The following TRPM4 variants were observed in gnomAD, a reference collection of about 807,000 sequenced individuals.
TRPM4 encodes the protein calcium-activated non-selective cation channel 1.
In TRPM4, 124 loss-of-function variants were observed where a neutral mutation model predicts 135.6. The observed-to-expected ratio is 0.91, with a 90% CI of 0.79 to 1.06. The LOEUF (loss-of-function observed/expected upper bound fraction) is 1.06, where lower values mean the gene tolerates loss of function less well. Among genes scored for constraint, TRPM4 ranks in the 50% least tolerant of loss-of-function variants. TRPM4 has a pLI of 0.00. For missense variants in TRPM4, 1,658 were observed against 1,671.4 expected, an observed-to-expected ratio of 0.99 and a Z score of 0.14; for synonymous variants, 745 against 705.6, an observed-to-expected ratio of 1.06 and a Z score of -0.88.
At chr19:49,166,735 C>T (rs890736370) in intron 3 of TRPM4, among the ~76,000 whole-genome samples, 4 of 130,476 alleles carry the variant, frequency 3.1e-5, no homozygotes, top group Admixed American at 2.4e-4. Context: ...TCTCTGTCCC[C>T]GTCTCTCTGG....
chr19:49,182,982 A>G (rs1304287196), intron 11 of TRPM4, 60 bp downstream of exon 11: 10 of 1,593,162 alleles, frequency 6.3e-6, no homozygotes, highest in Non-Finnish European at 8.5e-6. Flanking sequence ...GGGCGGGATT[A>G]CATCAGGGAT....
Position 49,192,591 on chromosome 19 carries a change from C to T in TRPM4, c.2210+1818C>T, listed in dbSNP as rs1221614024. On this transcript the variant is annotated intron_variant, in intron 16 of 24. Transcript: ENST00000252826. ...ACTAACAGGAACAGAAAACCAAATA[C>T]CCCATGTTCTCACTTATAAGTAAGA... Among the ~76,000 whole-genome samples the T allele has an allele frequency of 2.0e-5, 3 of 152,262 alleles. No individual in the cohort carries two copies. The East Asian group carries it at 5.8e-4, about 29-fold the overall frequency.
chr19:49,185,613 T>C (rs1183208696), intron 12 of TRPM4, among the ~76,000 whole-genome samples: 1 of 152,214 alleles, frequency 6.6e-6, no homozygotes, highest in Non-Finnish European at 1.5e-5. Context: ...TAATTTTTGG[T>C]TGAAAAGTGG....
intron 14 of TRPM4, 118 bp downstream of exon 14, chr19:49,189,209 TC>T (rs1568478047): frequency 6.9e-7 from 1 of 1,450,316 alleles, no homozygotes; most frequent in Non-Finnish European, 9.5e-7. Context: ...TCCCTGGAGA[TC>T]CCCCAGAAAG....
intron 12 of TRPM4, among the ~76,000 whole-genome samples, chr19:49,184,936 TTTTTTAA>T (rs999550626): frequency 1.3e-5 from 2 of 151,894 alleles, no homozygotes; most frequent in Non-Finnish European, 2.9e-5. Context: ...TTTTTCTTTT[TTTTTTAA>T]TTTTTATTTT....
At chr19:49,158,376 A>G in intron 2 of TRPM4, 117 bp downstream of exon 2, 2 of 961,998 alleles carry the variant, frequency 2.1e-6, no homozygotes, top group South Asian at 1.3e-5. Flanking sequence ...GACCTTCCCA[A>G]GGGCGTTCCT....
intron 9 of TRPM4, among the ~76,000 whole-genome samples, chr19:49,177,961 G>A (rs1413635394): frequency 6.6e-6 from 1 of 152,152 alleles, no homozygotes; most frequent in East Asian, 1.9e-4. Flanking sequence ...AACCACCCAG[G>A]ACCTCAAATG....
intron 6 of TRPM4, among the ~76,000 whole-genome samples, chr19:49,170,428 A>G (rs1394509595): frequency 6.6e-6 from 1 of 151,826 alleles, no homozygotes; most frequent in East Asian, 1.9e-4. Context: ...ACCTCAGGTG[A>G]TCCACCCGCC....
intron 2 of TRPM4, among the ~76,000 whole-genome samples, chr19:49,161,092 G>A (rs1966944240): frequency 6.6e-6 from 1 of 152,032 alleles, no homozygotes; most frequent in South Asian, 2.1e-4. Flanking sequence ...GGGGGACCGA[G>A]GGGCATGTGG....
chr19:49,196,752 C>T lies in TRPM4; in HGVS notation c.2523C>T (p.Ala841=), dbSNP rs1600500886. 20 of 1,549,162 alleles carry T rather than the reference C, an allele frequency of 1.3e-5. No homozygotes were observed. The highest frequency in any genetic ancestry group is 1.7e-5 in the Non-Finnish European group (20 of 1,153,950). Residue 841 remains alanine, a synonymous_variant, in exon 17 of 25, where the codon GCC becomes GCT. Coordinates refer to ENST00000252826, the MANE Select transcript of TRPM4 (RefSeq NM_017636.4). Reference sequence around the variant, plus strand: ...TGAGCGGAGGCGGGGGCAGCCTCGCCAGCGGGGGCCCCGGGCCTGGCCATG... The same window carrying T: ...TGAGCGGAGGCGGGGGCAGCCTCGCTAGCGGGGGCCCCGGGCCTGGCCATG... ...QGLSGGGGSL[A]SGGPGPGHAS... is the part of the protein sequence containing the mutation.
rs1190391370 is a variant in TRPM4, at chr19:49,183,071, C to G, written c.1609-7C>G. 6.2e-7 allele frequency: 1 copy of G among 1,611,506 alleles called. No homozygotes were observed. Among genetic ancestry groups the G allele is most frequent in the South Asian group, 1.1e-5 (1 of 90,992 alleles). On this transcript the variant is annotated splice_region_variant and splice_polypyrimidine_tract_variant and intron_variant, in intron 11 of 24. Transcript: ENST00000252826. ...CTGGTCCTCACCACCCCTCCTTTTGCTGGCAGATGTATCTGCTCTCGGACA... is the reference window on the plus strand; with the variant it reads ...CTGGTCCTCACCACCCCTCCTTTTGGTGGCAGATGTATCTGCTCTCGGACA...
intron 9 of TRPM4, among the ~76,000 whole-genome samples, chr19:49,175,944 TA>T (rs1295548643): frequency 1.1e-5 from 1 of 91,104 alleles, no homozygotes; most frequent in Non-Finnish European, 2.4e-5. Context: ...TTTTTTTTTT[TA>T]AAGAGTCTTT....
intron 17 of TRPM4, among the ~76,000 whole-genome samples, chr19:49,199,112 C>G (rs1029941169): frequency 6.6e-6 from 1 of 150,974 alleles, no homozygotes; most frequent in African/African-American, 2.5e-5. Flanking sequence ...CTCAATTTAA[C>G]TGAAAAAAAA....
At chr19:49,183,295 C>T in intron 12 of TRPM4, 83 bp downstream of exon 12, 1 of 1,584,488 alleles carries the variant, frequency 6.3e-7, no homozygotes, top group Non-Finnish European at 8.6e-7. Context: ...CCATACAATT[C>T]CCCGACCCCT....
Position 49,211,386 on chromosome 19 carries a change from CT to C in TRPM4, c.3641-104del. The C allele has an allele frequency of 6.3e-7, 1 of 1,595,158 alleles. No individual in the cohort carries two copies. On this transcript the variant is annotated intron_variant, in intron 24 of 24. Coordinates refer to ENST00000252826, the MANE Select transcript of TRPM4 (RefSeq NM_017636.4). The surrounding 1 kb of genome is among the most constrained non-coding windows in gnomAD (Gnocchi z 4.8). ...GTCACTCTCTTGGTCTCCTTTGAGC[CT>C]TTTGTACTCTCGCCTTCGTCTTTCT...
intron 3 of TRPM4, 64 bp downstream of exon 3, chr19:49,166,279 T>G (rs2122782090): frequency 6.6e-7 from 1 of 1,505,374 alleles, no homozygotes; most frequent in Non-Finnish European, 8.9e-7. Flanking sequence ...GGCTCCAGAG[T>G]GGAGCCGGGA....
Position 49,211,597 on chromosome 19 carries a change from C to A in TRPM4, c.*99C>A, listed in dbSNP as rs1600549799. The A allele has an allele frequency of 4.0e-6, 6 of 1,503,014 alleles. No homozygotes were observed. In the East Asian group the frequency reaches 6.8e-5, roughly 17 times the overall value. 93.1% of individuals were successfully genotyped at this position (1,503,014 alleles called of 1,614,324 possible). A position where few individuals can be genotyped will look rare whatever the true frequency, so the allele number is the denominator to read the frequency against. The stretch of plus-strand genomic sequence containing the variant: ...GGCCCCCGCACCTGGTGGCCTTGTC[C>A]TTGAGGTGAGCCCCATGTCCATCTG... On this transcript the variant is annotated 3_prime_UTR_variant, in exon 25 of 25. Coordinates refer to ENST00000252826, the MANE Select transcript of TRPM4 (RefSeq NM_017636.4). The surrounding 1 kb of genome is among the most constrained non-coding windows in gnomAD (Gnocchi z 4.8).
At chr19:49,197,156 G>A (rs1189267590) in intron 17 of TRPM4, among the ~76,000 whole-genome samples, 1 of 152,132 alleles carries the variant, frequency 6.6e-6, no homozygotes, top group African/African-American at 2.4e-5. Flanking sequence ...AAGTTTAACA[G>A]ATATTTATGG....
chr19:49,206,760 G>T (rs915045014), intron 20 of TRPM4, among the ~76,000 whole-genome samples: 1 of 152,168 alleles, frequency 6.6e-6, no homozygotes, highest in African/African-American at 2.4e-5. Flanking sequence ...TTTTCCGAGG[G>T]ATTGCGTTGA....
Sources: allele counts gnomAD v4.1 joint callset (sites outside exome capture counted in the v4.1 genomes callset), GRCh38; gene constraint gnomAD v4.1.1; non-coding constraint Gnocchi (gnomAD v3.1); transcripts MANE v1.5; gene names NCBI Gene and HGNC (gene_info 2026-07-23, HGNC 2026-07-21).